ADK: variants seen among roughly 807,000 people sequenced by gnomAD.
ADK encodes the protein N6,N6-dimethyladenosine kinase.
In ADK, 24 loss-of-function variants were observed where a neutral mutation model predicts 44.7. That is an observed-to-expected ratio of 0.54 (90% CI 0.39 to 0.76). The LOEUF (loss-of-function observed/expected upper bound fraction) is 0.76. ADK is among the 30% of genes least tolerant of loss of function. The pLI, the probability that ADK is intolerant of heterozygous loss-of-function variation, is 0.00. For synonymous variants in ADK, 128 were observed against 142.6 expected, an observed-to-expected ratio of 0.90 and a Z score of 0.73; for missense variants, 321 against 425.1, an observed-to-expected ratio of 0.76 and a Z score of 2.15.
intron 10 of ADK, among the ~76,000 whole-genome samples, chr10:74,670,495 T>G (rs1855130452): frequency 6.6e-6 from 1 of 152,236 alleles, no homozygotes; most frequent in African/African-American, 2.4e-5. Flanking sequence ...TGTACCCCAG[T>G]CATTTTCACA....
At chr10:74,255,217 G>A (rs1358557793) in intron 3 of ADK, among the ~76,000 whole-genome samples, 3 of 151,978 alleles carry the variant, frequency 2.0e-5, no homozygotes, top group South Asian at 4.2e-4. Context: ...AGGGGAGGTG[G>A]GGTCAAGGAA....
At chr10:74,153,339 G>C (rs540164817) in intron 1 of ADK, among the ~76,000 whole-genome samples, 1 of 152,304 alleles carries the variant, frequency 6.6e-6, no homozygotes, top group South Asian at 2.1e-4. Context: ...ATTCAGGGGT[G>C]CTGCTAAACA....
At chr10:74,512,118 T>G (rs1385358125) in intron 6 of ADK, among the ~76,000 whole-genome samples, 1 of 152,222 alleles carries the variant, frequency 6.6e-6, no homozygotes, top group Middle Eastern at 3.2e-3. Flanking sequence ...CAGTGACATA[T>G]GGTGGACCAT....
chr10:74,470,146 T>C (rs1322402742), intron 6 of ADK, among the ~76,000 whole-genome samples: 3 of 150,682 alleles, frequency 2.0e-5, no homozygotes, highest in South Asian at 4.2e-4. Flanking sequence ...TGCCTCAGCC[T>C]CCGGAGTAGC....
At chr10:74,218,964 C>T (rs1188491646) in intron 2 of ADK, among the ~76,000 whole-genome samples, 3 of 151,938 alleles carry the variant, frequency 2.0e-5, no homozygotes, top group Middle Eastern at 3.2e-3. Flanking sequence ...CATCAACTAA[C>T]GAGCAAAATA....
At chr10:74,364,357 T>G (rs1052515866) in intron 4 of ADK, among the ~76,000 whole-genome samples, 8 of 152,220 alleles carry the variant, frequency 5.3e-5, no homozygotes, top group Non-Finnish European at 1.2e-4. Context: ...TTCTTGACAG[T>G]GTAGTTCACA....
chr10:74,227,399 A>G (rs1434090253), intron 3 of ADK, among the ~76,000 whole-genome samples: 1 of 152,182 alleles, frequency 6.6e-6, no homozygotes, highest in Non-Finnish European at 1.5e-5. Context: ...TGATAGCTCT[A>G]ATTATCTTGA....
chr10:74,647,367 G>A (rs79296958), intron 9 of ADK, among the ~76,000 whole-genome samples: 2 of 152,068 alleles, frequency 1.3e-5, no homozygotes, highest in African/African-American at 2.4e-5. Context: ...TCTGTATTTG[G>A]GGGATGCTAA....
At chr10:74,611,350 TC>T (rs1423479217) in intron 9 of ADK, among the ~76,000 whole-genome samples, 1 of 152,124 alleles carries the variant, frequency 6.6e-6, no homozygotes, top group Non-Finnish European at 1.5e-5. Flanking sequence ...TGTAGACTTT[TC>T]TGAACACTCA....
At chr10:74,296,237 TG>T (rs1839808658) in intron 3 of ADK, among the ~76,000 whole-genome samples, 1 of 152,104 alleles carries the variant, frequency 6.6e-6, no homozygotes, top group African/African-American at 2.4e-5. Flanking sequence ...ATTACAAACT[TG>T]TAAAAAAATT....
At chr10:74,696,322 GATT>G (rs971611433) in intron 10 of ADK, among the ~76,000 whole-genome samples, 2 of 151,054 alleles carry the variant, frequency 1.3e-5, no homozygotes, top group Non-Finnish European at 3.0e-5. Flanking sequence ...CGCCTGGCCT[GATT>G]ATTATTATTT....
At position 74,291,880 on chromosome 10, in the gene ADK, G is replaced by C. The variant is rs1470641520; in HGVS notation, c.195-22787G>C. On this transcript the variant is annotated intron_variant, in intron 3 of 10. Coordinates refer to ENST00000539909, the MANE Select transcript of ADK (RefSeq NM_006721.4). ...TTGTTCTTCGTGACTTTTCTTGCAG[G>C]AATGAAAGGAGGTAGCATGGAACAA... Among the ~76,000 whole-genome samples the C allele has an allele frequency of 5.3e-5, 8 of 151,994 alleles. No individual in the cohort carries two copies. In the East Asian group the frequency reaches 1.5e-3, roughly 29 times the overall value.
chr10:74,624,584 TGTAA>T (rs1179400592), intron 9 of ADK, among the ~76,000 whole-genome samples: 1 of 152,118 alleles, frequency 6.6e-6, no homozygotes, highest in Non-Finnish European at 1.5e-5. Flanking sequence ...CAGGTGTTTT[TGTAA>T]GTAATTTACA....
intron 4 of ADK, among the ~76,000 whole-genome samples, chr10:74,375,490 A>C (rs1358679794): frequency 6.6e-6 from 1 of 152,192 alleles, no homozygotes; most frequent in Non-Finnish European, 1.5e-5. Context: ...AGAGATGTGG[A>C]TATGCCTGGG....
intron 6 of ADK, among the ~76,000 whole-genome samples, chr10:74,511,574 G>A (rs992359207): frequency 6.6e-6 from 1 of 152,060 alleles, no homozygotes; most frequent in Non-Finnish European, 1.5e-5. Context: ...TGTAAATGAG[G>A]TTGCCTTTTT....
At chr10:74,287,980 C>A (rs1337331063) in intron 3 of ADK, among the ~76,000 whole-genome samples, 1 of 111,050 alleles carries the variant, frequency 9.0e-6, no homozygotes, top group African/African-American at 4.0e-5. Context: ...GAGACCCTGT[C>A]TCAAAAAAAA....
intron 7 of ADK, among the ~76,000 whole-genome samples, chr10:74,564,255 T>C (rs931610141): frequency 3.9e-5 from 6 of 152,092 alleles, no homozygotes; most frequent in African/African-American, 1.4e-4. Flanking sequence ...AGAAAGACGA[T>C]TTAAGTTAAA....
At chr10:74,635,283 C>T (rs1445146833) in intron 9 of ADK, among the ~76,000 whole-genome samples, 1 of 152,204 alleles carries the variant, frequency 6.6e-6, no homozygotes, top group Non-Finnish European at 1.5e-5. Context: ...TGAACAACTA[C>T]AGATTCCTTA....
intron 4 of ADK, among the ~76,000 whole-genome samples, chr10:74,324,943 T>G (rs2131831632): frequency 6.6e-6 from 1 of 152,330 alleles, no homozygotes; most frequent in East Asian, 1.9e-4. Context: ...TGATGTGTCT[T>G]TGTCATTTTT....
Sources: allele counts gnomAD v4.1 joint callset (sites outside exome capture counted in the v4.1 genomes callset), GRCh38; gene constraint gnomAD v4.1.1; transcripts MANE v1.5; gene names NCBI Gene and HGNC (gene_info 2026-07-23, HGNC 2026-07-21).